FANCI: variants seen among roughly 807,000 people sequenced by gnomAD.
FANCI encodes the protein Fanconi anemia group I protein.
FANCI carries 156 observed loss-of-function variants against 176.1 expected under a neutral mutation model. The ratio of observed to expected loss-of-function variants is 0.89; its 90% CI spans 0.78 to 1.01. The LOEUF (loss-of-function observed/expected upper bound fraction) is 1.01, where lower values mean the gene tolerates loss of function less well. Ranked by LOEUF, FANCI falls within the 50% of genes least tolerant of loss-of-function variation. The pLI, the probability that FANCI is intolerant of heterozygous loss-of-function variation, is 0.00. For synonymous variants in FANCI, 613 were observed against 541.7 expected, an observed-to-expected ratio of 1.13 and a Z score of -1.83; for missense variants, 1,678 against 1,534.1, an observed-to-expected ratio of 1.09 and a Z score of -1.57.
rs369287791 is a variant in FANCI, at chr15:89,316,411, G to A, written c.3939G>A (p.Glu1313=). Residue 1313 remains glutamate (E), a synonymous_variant, in exon 38 of 38, where the codon GAG becomes GAA. Coordinates refer to ENST00000310775, the MANE Select transcript of FANCI (RefSeq NM_001113378.2). ...EDENEEGTAS[E]HGGQNKEPAK... is the part of the protein sequence containing the mutation. ...TCCCCTTCTAGGGCACTGCATCAGA[G>A]CATGGGGGACAGAACAAAGAACCAG... 5.6e-6 allele frequency: 9 copies of A among 1,611,804 alleles called. No individual in the cohort carries two copies. Among genetic ancestry groups the A allele is most frequent in the African/African-American group, 1.3e-5 (1 of 74,808 alleles).
In FANCI at chr15:89,314,477, G is replaced by GGT. The variant is rs1567180376; in HGVS notation, c.3721-134_3721-133dup. The GGT allele has an allele frequency of 1.3e-5, 8 of 615,078 alleles. No homozygotes were observed. The African/African-American group carries it at 3.2e-4, about 25-fold the overall frequency. 38.1% of individuals were successfully genotyped at this position (615,078 alleles called of 1,614,324 possible). A position where few individuals can be genotyped will look rare whatever the true frequency, so the allele number is the denominator to read the frequency against. ...GAACTGCCAAAAATTTTAGATTACT[G>GGT]GTATACAACTGCATTTGATTGGGAG... On this transcript the variant is annotated intron_variant, in intron 35 of 37. Coordinates refer to ENST00000310775, the MANE Select transcript of FANCI (RefSeq NM_001113378.2).
intron 15 of FANCI, 83 bp downstream of exon 15, chr15:89,281,383 T>C (rs2053608529): frequency 3.3e-6 from 5 of 1,504,744 alleles, no homozygotes; most frequent in Non-Finnish European, 4.6e-6. Context: ...TGTATAAATA[T>C]ATATGTCTAA....
intron 18 of FANCI, among the ~76,000 whole-genome samples, chr15:89,286,510 A>T (rs990314249): frequency 2.0e-5 from 3 of 152,192 alleles, no homozygotes; most frequent in African/African-American, 7.2e-5. Context: ...GAGCTCTTAG[A>T]TGCCTAGGTG....
In FANCI at chr15:89,256,548, CT is replaced by C. The variant is rs1310815502; in HGVS notation, c.85-2154del. Among the ~76,000 whole-genome samples the C allele has an allele frequency of 4.7e-5, 7 of 149,922 alleles. No individual in the cohort carries two copies. In the East Asian group the frequency reaches 1.4e-3, roughly 29 times the overall value. On this transcript the variant is annotated intron_variant, in intron 2 of 37. Coordinates refer to ENST00000310775, the MANE Select transcript of FANCI (RefSeq NM_001113378.2). ...CGAGATTATCCTCCAATGTTATTGA[CT>C]TCACTTTCTCCATTGTCTTTGCTGG...
intron 24 of FANCI, among the ~76,000 whole-genome samples, chr15:89,299,169 C>CA (rs34417823): frequency 0.054 from 5,984 of 110,054 alleles, 123 homozygotes; most frequent in African/African-American, 0.094. Flanking sequence ...GACTCTGTCT[C>CA]AAAAAAAAAA....
chr15:89,316,270 GA>G (rs1204111429), intron 37 of FANCI, 126 bp from the exon 38 acceptor site: 116 of 946,862 alleles, frequency 1.2e-4, no homozygotes, highest in Non-Finnish European at 1.9e-4. Flanking sequence ...CTGTGAGTGG[GA>G]AAGTGGGGAA....
In FANCI at chr15:89,264,566, T is replaced by C; in HGVS notation, c.714T>C (p.Ser238=). ...SVLEGIIAFF[S]ALDKQHNEEQ... is the part of the protein sequence containing the mutation. Reference sequence around the variant, plus strand: ...TGGAAGGAATCATAGCCTTCTTCAGTGCACTAGATAAGCAGCACAATGAGG... The same window carrying C: ...TGGAAGGAATCATAGCCTTCTTCAGCGCACTAGATAAGCAGCACAATGAGG... Residue 238 remains serine, a synonymous_variant, in exon 9 of 38, where the codon AGT becomes AGC. Transcript: ENST00000310775. 1 of 1,613,928 alleles carries C rather than the reference T, an allele frequency of 6.2e-7. No homozygotes were observed. The highest frequency in any genetic ancestry group is 8.5e-7 in the Non-Finnish European group (1 of 1,179,892).
intron 2 of FANCI, among the ~76,000 whole-genome samples, chr15:89,254,186 T>C (rs2052395625): frequency 6.6e-6 from 1 of 152,112 alleles, no homozygotes; most frequent in East Asian, 1.9e-4. Flanking sequence ...GGTCAAATCC[T>C]GTCTCTATAA....
chr15:89,309,132 C>T (rs1224856506), intron 34 of FANCI, among the ~76,000 whole-genome samples: 2 of 152,124 alleles, frequency 1.3e-5, no homozygotes, highest in Non-Finnish European at 2.9e-5. Context: ...AGTCAACTGT[C>T]ATAAAGCTAT....
chr15:89,316,605 G>A lies in FANCI; in HGVS notation c.*146G>A, dbSNP rs2055273481. On this transcript the variant is annotated 3_prime_UTR_variant, in exon 38 of 38. Coordinates refer to ENST00000310775, the MANE Select transcript of FANCI (RefSeq NM_001113378.2). The stretch of plus-strand genomic sequence containing the variant: ...ATTCAACTGCACCTTCAGTTAGAAG[G>A]AATCTTCTTGGCAGGTCCTGCTACT... 2 of 1,101,358 alleles carry A rather than the reference G, an allele frequency of 1.8e-6. No homozygotes were observed. The highest frequency in any genetic ancestry group is 1.5e-5 in the African/African-American group (1 of 64,566). The allele number at this position is 1,101,358 out of a possible 1,614,324, so 68.2% of individuals were successfully genotyped here.
chr15:89,291,749 T>A (rs1375548185), intron 20 of FANCI, 35 bp downstream of exon 20: 1 of 1,543,126 alleles, frequency 6.5e-7, no homozygotes, highest in Non-Finnish European at 9.0e-7. Context: ...CCATTATTTT[T>A]AGTATTAAGG....
chr15:89,276,704 C>G lies in FANCI; in HGVS notation c.1113-7C>G. The G allele has an allele frequency of 6.2e-7, 1 of 1,614,014 alleles. No individual in the cohort carries two copies. Among genetic ancestry groups the G allele is most frequent in the Non-Finnish European group, 8.5e-7 (1 of 1,179,982 alleles). On this transcript the variant is annotated splice_region_variant and splice_polypyrimidine_tract_variant and intron_variant, in intron 12 of 37. Coordinates refer to ENST00000310775, the MANE Select transcript of FANCI (RefSeq NM_001113378.2). ...TTCTTTTTTAACTAAGCTTTGTGTT[C>G]TTGTAGCGTTCATAGCTGGGACCAT...
At chr15:89,282,071 A>G (rs1217078519) in intron 16 of FANCI, 1 of 499,076 alleles carries the variant, frequency 2.0e-6, no homozygotes, top group African/African-American at 1.9e-5. Context: ...ACAGATAAGA[A>G]AAGTTAGGCT....
Position 89,285,145 on chromosome 15 carries a change from T to C in FANCI, c.1748T>C (p.Phe583Ser), listed in dbSNP as rs1311353999. The change falls in exon 18 of 38, where the codon TTT becomes TCT. Residue 583 changes from phenylalanine to serine, a missense_variant. Coordinates refer to ENST00000310775, the MANE Select transcript of FANCI (RefSeq NM_001113378.2). ...SHYNSVANET[F>S]CLEIMDSLRR... ...TACAATTCTGTCGCCAATGAAACTT[T>C]TTGCCTTGAGATCATGGATAGTTTG... 2 of 1,614,170 alleles carry C rather than the reference T, an allele frequency of 1.2e-6. No individual in the cohort carries two copies. Among genetic ancestry groups the C allele is most frequent in the Non-Finnish European group, 1.7e-6 (2 of 1,180,026 alleles).
At chr15:89,280,653 C>G (rs1260090572) in intron 14 of FANCI, among the ~76,000 whole-genome samples, 9 of 152,118 alleles carry the variant, frequency 5.9e-5, no homozygotes, top group Non-Finnish European at 2.9e-5. Context: ...TAAACTCTCC[C>G]TTTACCATTT....
intron 2 of FANCI, among the ~76,000 whole-genome samples, chr15:89,257,158 G>A (rs1011447425): frequency 6.6e-6 from 1 of 152,014 alleles, no homozygotes; most frequent in East Asian, 1.9e-4. Flanking sequence ...TGCCCACCTC[G>A]GCCTCCCAAA....
chr15:89,260,868 A>T lies in FANCI; in HGVS notation c.288+25A>T, dbSNP rs569737551. 5.0e-6 allele frequency: 8 copies of T among 1,612,400 alleles called. No individual in the cohort carries two copies. The East Asian group carries it at 1.8e-4, about 36-fold the overall frequency. On this transcript the variant is annotated intron_variant, in intron 4 of 37. Coordinates refer to ENST00000310775, the MANE Select transcript of FANCI (RefSeq NM_001113378.2). ...GGTAAGATGGCAAACAAAAACTTTT[A>T]TTTGGGGGTAGGTTTTTGAGGGTTT...
At position 89,274,318 on chromosome 15, in the gene FANCI, C is replaced by A; in HGVS notation, c.1112+14C>A. The A allele has an allele frequency of 1.2e-6, 2 of 1,612,854 alleles. No homozygotes were observed. Among genetic ancestry groups the A allele is most frequent in the Non-Finnish European group, 1.7e-6 (2 of 1,179,454 alleles). On this transcript the variant is annotated intron_variant, in intron 12 of 37. Coordinates refer to ENST00000310775, the MANE Select transcript of FANCI (RefSeq NM_001113378.2). ...AGTGAAGAATAGGTAAGTTGGTGAA[C>A]CATATCTCAAAAGGTTTATAAGGTG...
intron 1 of FANCI, among the ~76,000 whole-genome samples, chr15:89,244,435 C>CAA (rs2051853020): frequency 6.6e-6 from 1 of 152,222 alleles, no homozygotes; most frequent in Non-Finnish European, 1.5e-5. Context: ...GCGGCGTTTC[C>CAA]CGCCGGCGGG....
Sources: gnomAD v4.1 joint callset for allele counts (sites outside exome capture counted in the v4.1 genomes callset) on GRCh38, gnomAD v4.1.1 for gene constraint, MANE v1.5 for transcripts, NCBI Gene and HGNC (gene_info 2026-07-23, HGNC 2026-07-21) for gene names.